PRUNE1: variants seen among roughly 807,000 people sequenced by gnomAD.
The protein encoded by PRUNE1 is exopolyphosphatase PRUNE1.
In PRUNE1, 25 loss-of-function variants were observed where a neutral mutation model predicts 42.5. The observed-to-expected ratio is 0.59, with a 90% CI of 0.43 to 0.82. PRUNE1 has a LOEUF of 0.82. Ranked by LOEUF, PRUNE1 falls within the 40% of genes least tolerant of loss-of-function variation. The probability of loss-of-function intolerance (pLI) is 0.00; values close to 1 mark genes in which losing one functional copy is unlikely to be tolerated. For missense variants in PRUNE1, 443 were observed against 539.3 expected, an observed-to-expected ratio of 0.82 and a Z score of 1.77; for synonymous variants, 203 against 217.1, an observed-to-expected ratio of 0.93 and a Z score of 0.57.
chr1:151,027,255 G>C lies in PRUNE1; in HGVS notation c.702G>C (p.Leu234=). The C allele has an allele frequency of 6.2e-7, 1 of 1,610,694 alleles. No individual in the cohort carries two copies. Among genetic ancestry groups the C allele is most frequent in the Non-Finnish European group, 8.5e-7 (1 of 1,177,038 alleles). ...TAGGACTGACCACTGAGCAGATGCT[G>C]AGAAAAGACCAGAAGACTATCTATA... ...DVSGLTTEQM[L]RKDQKTIYRQ... is the part of the protein sequence containing the mutation. Residue 234 remains leucine (L), a synonymous_variant, in exon 6 of 8, where the codon CTG becomes CTC. Transcript: ENST00000271620.
intron 1 of PRUNE1, among the ~76,000 whole-genome samples, chr1:151,012,656 TAAAG>T (rs1302334709): frequency 2.6e-5 from 4 of 152,146 alleles, no homozygotes; most frequent in South Asian, 2.1e-4. Flanking sequence ...CGGGGAGAAG[TAAAG>T]AAAGAAGATG....
intron 1 of PRUNE1, 176 bp downstream of exon 1, chr1:151,008,847 T>G (rs587685429): frequency 1.2e-6 from 1 of 812,738 alleles, no homozygotes. Context: ...GAAGCCAGTT[T>G]AGGAGCGTGA....
At chr1:151,033,768 A>C in intron 7 of PRUNE1, 38 bp from the exon 8 acceptor site, 1 of 1,564,130 alleles carries the variant, frequency 6.4e-7, no homozygotes, top group Non-Finnish European at 8.8e-7. Context: ...TGCTACAGCA[A>C]GTTGTGTATC....
intron 7 of PRUNE1, among the ~76,000 whole-genome samples, chr1:151,030,185 C>G (rs1439540062): frequency 6.6e-6 from 1 of 151,094 alleles, no homozygotes; most frequent in Non-Finnish European, 1.5e-5. Context: ...TCTCTTGAAC[C>G]TCGGCAAGCA....
At position 151,008,522 on chromosome 1, in the gene PRUNE1, T is replaced by A. The variant is rs1673478410; in HGVS notation, c.-111T>A. ...GCGGGTTCGAGTCCCGCCTCCTGAC[T>A]CTGGCCTCTAGTCCCTGAGTCCCGG... On this transcript the variant is annotated 5_prime_UTR_variant, in exon 1 of 8. Coordinates refer to ENST00000271620, the MANE Select transcript of PRUNE1 (RefSeq NM_021222.3). 1.4e-6 allele frequency: 2 copies of A among 1,409,076 alleles called. No homozygotes were observed. The highest frequency in any genetic ancestry group is 2.8e-5 in the African/African-American group (2 of 70,850). The allele number at this position is 1,409,076 out of a possible 1,614,324, so 87.3% of individuals were successfully genotyped here. A position where few individuals can be genotyped will look rare whatever the true frequency, so the allele number is the denominator to read the frequency against.
chr1:151,035,017 T>C lies in PRUNE1; in HGVS notation c.*783T>C, dbSNP rs765750198. 9 of 152,256 alleles carry C rather than the reference T, an allele frequency of 5.9e-5. No individual in the cohort carries two copies. The highest frequency in any genetic ancestry group is 1.2e-4 in the Non-Finnish European group (8 of 68,044). 9.4% of individuals were successfully genotyped at this position (152,256 alleles called of 1,614,324 possible). A position where few individuals can be genotyped will look rare whatever the true frequency, so the allele number is the denominator to read the frequency against. ...TTCCAAAAAGACAACAGAACTGGAA[T>C]GAGAGGCCTGGGTCTGTCTCCTGCC... is the stretch of plus-strand genomic sequence containing the variant. On this transcript the variant is annotated 3_prime_UTR_variant, in exon 8 of 8. Coordinates refer to ENST00000271620, the MANE Select transcript of PRUNE1 (RefSeq NM_021222.3).
At chr1:151,023,348 G>T (rs1473360720) in intron 3 of PRUNE1, among the ~76,000 whole-genome samples, 1 of 152,112 alleles carries the variant, frequency 6.6e-6, no homozygotes, top group Non-Finnish European at 1.5e-5. Context: ...TAGAAACTAG[G>T]GCATGGATAG....
rs868351547 is a variant in PRUNE1 at position 151,027,300 on chromosome 1, C to T, written c.747C>T (p.Ala249=). ...KTIYRQGVKV[A]ISAIYMDLEA... Reference sequence around the variant, plus strand: ...TCTATAGACAAGGCGTCAAGGTGGCCATTAGTGCAATATATATGGATTTGG... The same window carrying T: ...TCTATAGACAAGGCGTCAAGGTGGCTATTAGTGCAATATATATGGATTTGG... Residue 249 remains alanine (A), a synonymous_variant, in exon 6 of 8, where the codon GCC becomes GCT. Coordinates refer to ENST00000271620, the MANE Select transcript of PRUNE1 (RefSeq NM_021222.3). 15 of 1,609,422 alleles carry T rather than the reference C, an allele frequency of 9.3e-6. No individual in the cohort carries two copies. The highest frequency in any genetic ancestry group is 1.6e-4 in the Middle Eastern group (1 of 6,074).
intron 1 of PRUNE1, among the ~76,000 whole-genome samples, chr1:151,010,047 C>G (rs1293690083): frequency 6.6e-6 from 1 of 152,194 alleles, no homozygotes; most frequent in Non-Finnish European, 1.5e-5. Flanking sequence ...CAGCATATAT[C>G]CTCCAGAGCC....
intron 6 of PRUNE1, among the ~76,000 whole-genome samples, chr1:151,027,746 TAG>T: frequency 9.6e-6 from 1 of 104,030 alleles, no homozygotes; most frequent in Non-Finnish European, 2.0e-5. Flanking sequence ...CACACCTAAC[TAG>T]TGTGTGTGTG....
intron 7 of PRUNE1, among the ~76,000 whole-genome samples, chr1:151,029,743 C>T (rs2102939974): frequency 6.6e-6 from 1 of 151,978 alleles, no homozygotes; most frequent in Middle Eastern, 3.4e-3. Context: ...AAAACAAAAA[C>T]TCTATTCTTG....
rs587687963 is a variant in PRUNE1, at chr1:151,032,258, T to C, written c.934-1548T>C. On this transcript the variant is annotated intron_variant, in intron 7 of 7. Coordinates refer to ENST00000271620, the MANE Select transcript of PRUNE1 (RefSeq NM_021222.3). ...AGAATCCATTTCAAAAAAAAAAAAATTAAAGTAAAATAAAATAAATAAAAC... is the reference window on the plus strand; with the variant it reads ...AGAATCCATTTCAAAAAAAAAAAAACTAAAGTAAAATAAAATAAATAAAAC... 7.0e-4 allele frequency among the ~76,000 whole-genome samples: 91 copies of C among 130,862 alleles called. 1 individual carries two copies. Among genetic ancestry groups the C allele is most frequent in the African/African-American group, 2.4e-3 (89 of 37,120 alleles). 85.9% of individuals were successfully genotyped at this position (130,862 alleles called of 152,430 possible).
At chr1:151,015,716 A>G (rs1674068262) in intron 1 of PRUNE1, among the ~76,000 whole-genome samples, 1 of 150,634 alleles carries the variant, frequency 6.6e-6, no homozygotes, top group African/African-American at 2.4e-5. Flanking sequence ...AGATGGGAGG[A>G]TCACCTGAGT....
chr1:151,030,504 T>C (rs969882611), intron 7 of PRUNE1, among the ~76,000 whole-genome samples: 1 of 152,126 alleles, frequency 6.6e-6, no homozygotes. Context: ...GTTTGTTTGT[T>C]TTTTAAGATG....
At chr1:151,029,453 T>C (rs986818205) in intron 7 of PRUNE1, among the ~76,000 whole-genome samples, 5 of 147,998 alleles carry the variant, frequency 3.4e-5, no homozygotes, top group Non-Finnish European at 7.4e-5. Context: ...CTGCAAGCTC[T>C]GCCTCCTGGG....
In PRUNE1 at chr1:151,027,110, C is replaced by T. The variant is rs947484736; in HGVS notation, c.680-123C>T. 17 of 595,022 alleles carry T rather than the reference C, an allele frequency of 2.9e-5. No individual in the cohort carries two copies. In the Admixed American group the frequency reaches 4.9e-4, roughly 17 times the overall value. The allele number at this position is 595,022 out of a possible 1,614,324, so 36.9% of individuals were successfully genotyped here. On this transcript the variant is annotated intron_variant, in intron 5 of 7. Coordinates refer to ENST00000271620, the MANE Select transcript of PRUNE1 (RefSeq NM_021222.3). ...TATGATTACATTTTCAATTATCTCC[C>T]CCATTCATTGCCCCAAAGAGAGGCT...
Position 151,035,302 on chromosome 1 carries a change from T to C in PRUNE1, c.*1068T>C, listed in dbSNP as rs1471187298. 3 of 152,274 alleles carry C rather than the reference T, an allele frequency of 2.0e-5. No homozygotes were observed. The highest frequency in any genetic ancestry group is 2.1e-4 in the South Asian group (1 of 4,830). 9.4% of individuals were successfully genotyped at this position (152,274 alleles called of 1,614,324 possible). ...TATCCCTGGGGGTGCTCAGGTTCACTTGATTGTCTGTATTTCTGTGTGGTT... is the reference window on the plus strand; with the variant it reads ...TATCCCTGGGGGTGCTCAGGTTCACCTGATTGTCTGTATTTCTGTGTGGTT... On this transcript the variant is annotated 3_prime_UTR_variant, in exon 8 of 8. Transcript: ENST00000271620.
chr1:151,028,314 A>C (rs146468719), intron 6 of PRUNE1, among the ~76,000 whole-genome samples: 27,626 of 152,102 alleles, frequency 0.18, 3,241 homozygotes, highest in East Asian at 0.4. Flanking sequence ...ATCTCAGCTC[A>C]CTGCAACCTC....
chr1:151,018,656 C>A lies in PRUNE1; in HGVS notation c.322C>A (p.His108Asn). The A allele has an allele frequency of 1.2e-6, 2 of 1,613,850 alleles. No homozygotes were observed. The change falls in exon 3 of 8, where the codon CAT (histidine) becomes AAT (asparagine). Residue 108 changes from histidine to asparagine, a missense_variant. Transcript: ENST00000271620. Reference protein sequence around the residue: ...GQLTLILVDHHILSKSDTALE... With the variant: ...GQLTLILVDHNILSKSDTALE... Reference sequence around the variant, plus strand: ...ACTCACCCTCATCCTTGTCGACCATCATATCTTATCCAAGTAAGCACAAGG... The same window carrying A: ...ACTCACCCTCATCCTTGTCGACCATAATATCTTATCCAAGTAAGCACAAGG...
Sources: gnomAD v4.1 joint callset for allele counts (sites outside exome capture counted in the v4.1 genomes callset) on GRCh38, gnomAD v4.1.1 for gene constraint, MANE v1.5 for transcripts, NCBI Gene and HGNC (gene_info 2026-07-23, HGNC 2026-07-21) for gene names.